The following MDGA1 variants were observed in gnomAD, a reference collection of about 807,000 sequenced individuals.
MDGA1 encodes MAM domain-containing glycosylphosphatidylinositol anchor protein 1.
Under a neutral mutation model 101.5 loss-of-function variants are expected in MDGA1, and 54 were observed. The ratio of observed to expected loss-of-function variants is 0.53; its 90% CI spans 0.43 to 0.67. The LOEUF (loss-of-function observed/expected upper bound fraction) is 0.67, where lower values mean the gene tolerates loss of function less well. MDGA1 is among the 30% of genes least tolerant of loss of function. The probability of loss-of-function intolerance (pLI) is 0.00; values close to 1 mark genes in which losing one functional copy is unlikely to be tolerated. For missense variants in MDGA1, 1,083 were observed against 1,323.8 expected (o/e 0.82, Z 2.82); for synonymous variants, 533 against 558.3 (o/e 0.95, Z 0.64).
Position 37,655,142 on chromosome 6 carries a change from G to A in MDGA1, c.580-210C>T, listed in dbSNP as rs1761456140. On this transcript the variant is annotated intron_variant, in intron 4 of 16. Transcript: ENST00000434837. This position sits in a 1 kb window ranked among gnomAD's most constrained non-coding sequence, Gnocchi z 5.1. ...TAGCCTTGGCAGTGCCTCATCATGGGATTCTCTGGGTCTGAGGTTGCCCTT... is the reference window on the plus strand; with the variant it reads ...TAGCCTTGGCAGTGCCTCATCATGGAATTCTCTGGGTCTGAGGTTGCCCTT... 2 of 614,306 alleles carry A rather than the reference G, an allele frequency of 3.3e-6. No homozygotes were observed. The highest frequency in any genetic ancestry group is 2.0e-5 in the South Asian group (1 of 49,346). 38.1% of individuals were successfully genotyped at this position (614,306 alleles called of 1,614,324 possible).
chr6:37,664,600 TACACACAC>T (rs61046567), intron 1 of MDGA1, among the ~76,000 whole-genome samples: 43 of 118,190 alleles, frequency 3.6e-4, no homozygotes, highest in East Asian at 8.2e-4. Context: ...TCCCCCACAA[TACACACAC>T]ACACACACAC....
At chr6:37,674,315 G>T (rs947258774) in intron 1 of MDGA1, among the ~76,000 whole-genome samples, 21 of 152,332 alleles carry the variant, frequency 1.4e-4, no homozygotes, top group African/African-American at 4.8e-4. Context: ...CAGTGTGCAG[G>T]CCGCCACCCC....
intron 1 of MDGA1, among the ~76,000 whole-genome samples, chr6:37,675,776 C>T (rs1761966080): frequency 6.6e-6 from 1 of 152,110 alleles, no homozygotes; most frequent in East Asian, 1.9e-4. Context: ...TGCCTGGATC[C>T]CAGAAAGGAA....
At chr6:37,694,512 G>A (rs1177962012) in intron 1 of MDGA1, among the ~76,000 whole-genome samples, 2 of 152,142 alleles carry the variant, frequency 1.3e-5, no homozygotes, top group Non-Finnish European at 2.9e-5. Context: ...TCTGCTTCGC[G>A]GGTACAGAAA....
chr6:37,694,049 C>G (rs749494342), intron 1 of MDGA1, among the ~76,000 whole-genome samples: 1 of 152,190 alleles, frequency 6.6e-6, no homozygotes, highest in Non-Finnish European at 1.5e-5. Context: ...CGCTCTCCAC[C>G]GCCTGCTCGT....
rs1426606313 is a variant in MDGA1 at position 37,643,938 on chromosome 6, A to G, written c.2407T>C (p.Tyr803His). 7 of 1,613,678 alleles carry G rather than the reference A, an allele frequency of 4.3e-6. No individual in the cohort carries two copies. The highest frequency in any genetic ancestry group is 5.9e-6 in the Non-Finnish European group (7 of 1,179,804). ...GGCCTCGATGTCTCGATGAACATGT[A>G]GTAGCCTGCGGGGAATGGGGAGATG... Reference protein sequence around the residue: ...TDISGTPEGYYMFIETSRPRE... With the variant: ...TDISGTPEGYHMFIETSRPRE... The change falls in exon 14 of 17, where the codon TAC (tyrosine) becomes CAC (histidine). Residue 803 changes from tyrosine (Y) to histidine (H), a missense_variant. Tyr to His is a moderately conservative substitution (Grantham distance 83, BLOSUM62 2). Around this residue, in one of 3 missense-constraint regions of MDGA1, gnomAD observed 657 missense variants for 771.4 expected, o/e 0.85. Transcript: ENST00000434837.
At chr6:37,685,890 C>T (rs1054266878) in intron 1 of MDGA1, among the ~76,000 whole-genome samples, 11 of 151,980 alleles carry the variant, frequency 7.2e-5, no homozygotes, top group African/African-American at 1.5e-4. Flanking sequence ...CAGAGTGGGG[C>T]GAGGTGAGGA....
At chr6:37,658,449 T>C (rs1761545659) in intron 2 of MDGA1, 30 bp from the exon 3 acceptor site, 1 of 1,581,226 alleles carries the variant, frequency 6.3e-7, no homozygotes. Context: ...AGAGTCAGAC[T>C]GTCAGACTCA....
At position 37,650,185 on chromosome 6, in the gene MDGA1, G is replaced by C. The variant is rs762047269; in HGVS notation, c.1533C>G (p.Thr511=). The C allele has an allele frequency of 6.2e-7, 1 of 1,612,896 alleles. No individual in the cohort carries two copies. Among genetic ancestry groups the C allele is most frequent in the South Asian group, 1.1e-5 (1 of 91,012 alleles). ...LERVSRDMSG[T]YRCQTARYNG... is the part of the protein sequence containing the mutation. The stretch of plus-strand genomic sequence containing the variant: ...TATAGCGGGCCGTCTGGCAGCGGTA[G>C]GTCCCGCTCATGTCTCGGCTCACTC... The change falls in exon 8 of 17, where the codon ACC becomes ACG. Residue 511 remains threonine, a synonymous_variant. Transcript: ENST00000434837.
At chr6:37,678,152 C>G (rs1762020942) in intron 1 of MDGA1, among the ~76,000 whole-genome samples, 2 of 152,100 alleles carry the variant, frequency 1.3e-5, no homozygotes, top group South Asian at 2.1e-4. Context: ...CCCAGTACCC[C>G]CAAGGGTTGG....
chr6:37,681,782 AGAG>A (rs1762101869), intron 1 of MDGA1, among the ~76,000 whole-genome samples: 1 of 152,174 alleles, frequency 6.6e-6, no homozygotes, highest in Non-Finnish European at 1.5e-5. Flanking sequence ...CTCCAACAGA[AGAG>A]GAGGAGGGGA....
Position 37,648,748 on chromosome 6 carries a change from G to C in MDGA1, c.1894+234C>G, listed in dbSNP as rs979754179. ...AGGGAAGGTGTGAGTGGAGGGGCGT[G>C]GCCCGCACCTGGAGGGCGGGGCTGG... is the stretch of plus-strand genomic sequence containing the variant. On this transcript the variant is annotated intron_variant, in intron 9 of 16. Transcript: ENST00000434837. 19 of 701,934 alleles carry C rather than the reference G, an allele frequency of 2.7e-5. No homozygotes were observed. The African/African-American group carries it at 3.2e-4, about 12-fold the overall frequency. The allele number at this position is 701,934 out of a possible 1,614,324, so 43.5% of individuals were successfully genotyped here. A position where few individuals can be genotyped will look rare whatever the true frequency, so the allele number is the denominator to read the frequency against.
At chr6:37,682,769 C>CG (rs989137593) in intron 1 of MDGA1, among the ~76,000 whole-genome samples, 5 of 152,102 alleles carry the variant, frequency 3.3e-5, no homozygotes, top group African/African-American at 1.2e-4. Flanking sequence ...TGGCACACTG[C>CG]GGGGGGTTCA....
Position 37,636,184 on chromosome 6 carries a change from A to C in MDGA1, c.*1184T>G, listed in dbSNP as rs1451562192. The C allele has an allele frequency of 6.5e-6, 1 of 154,148 alleles. No homozygotes were observed. Among genetic ancestry groups the C allele is most frequent in the East Asian group, 1.9e-4 (1 of 5,220 alleles). 9.5% of individuals were successfully genotyped at this position (154,148 alleles called of 1,614,324 possible). A position where few individuals can be genotyped will look rare whatever the true frequency, so the allele number is the denominator to read the frequency against. On this transcript the variant is annotated 3_prime_UTR_variant, in exon 17 of 17. Coordinates refer to ENST00000434837, the MANE Select transcript of MDGA1 (RefSeq NM_153487.4). ...CCCATCATGTCAATCTCAGGTGCCT[A>C]ACCCAGGACCCAAGGACAGGGATCC...
intron 1 of MDGA1, chr6:37,664,397 G>A (rs555853908): frequency 1.1e-4 from 34 of 320,140 alleles, no homozygotes; most frequent in East Asian, 5.7e-4. Flanking sequence ...CAGACTGGTC[G>A]TCACTCAGTT....
rs1037862385 is a variant in MDGA1 at position 37,680,717 on chromosome 6, G to T, written c.67+16028C>A. On this transcript the variant is annotated intron_variant, in intron 1 of 16. Coordinates refer to ENST00000434837, the MANE Select transcript of MDGA1 (RefSeq NM_153487.4). ...CACACTGCACCAGCGCTTTTCAAAGGTGCCAACTCCCCTCTGGGCCTCAGC... is the reference window on the plus strand; with the variant it reads ...CACACTGCACCAGCGCTTTTCAAAGTTGCCAACTCCCCTCTGGGCCTCAGC... 2.6e-5 allele frequency among the ~76,000 whole-genome samples: 4 copies of T among 152,316 alleles called. No homozygotes were observed. The South Asian group carries it at 6.2e-4, about 24-fold the overall frequency.
Position 37,638,953 on chromosome 6 carries a change from C to G in MDGA1, c.2537-286G>C, listed in dbSNP as rs73413349. On this transcript the variant is annotated intron_variant, in intron 14 of 16. Transcript: ENST00000434837. The surrounding 1 kb of genome is among the most constrained non-coding windows in gnomAD (Gnocchi z 4.8). Reference sequence around the variant, plus strand: ...GCTAATCTCCCCAACCCCAAACACACACATGCACACACACCCTACCCTTCC... The same window carrying G: ...GCTAATCTCCCCAACCCCAAACACAGACATGCACACACACCCTACCCTTCC... 4.2e-3 allele frequency: 1,534 copies of G among 365,038 alleles called. 22 individuals carry two copies. The highest frequency in any genetic ancestry group is 0.029 in the African/African-American group (1,404 of 48,218). 22.6% of individuals were successfully genotyped at this position (365,038 alleles called of 1,614,324 possible). A position where few individuals can be genotyped will look rare whatever the true frequency, so the allele number is the denominator to read the frequency against.
At chr6:37,640,203 G>C (rs1764033008) in intron 14 of MDGA1, among the ~76,000 whole-genome samples, 1 of 152,160 alleles carries the variant, frequency 6.6e-6, no homozygotes, top group African/African-American at 2.4e-5. Flanking sequence ...TTTGGCCAGG[G>C]GAATGTGGTA....
In MDGA1 at chr6:37,638,424, CCTGA is replaced by C. The variant is rs1763984919; in HGVS notation, c.2667+109_2667+112del. ...TAATCTACCTGGAAGTTCCCCCTAACCTGACTCTTTCCATCCTTAGCCCCCAGGA... is the reference window on the plus strand; with the variant it reads ...TAATCTACCTGGAAGTTCCCCCTAACCTCTTTCCATCCTTAGCCCCCAGGA... On this transcript the variant is annotated intron_variant, in intron 15 of 16. Transcript: ENST00000434837. The surrounding 1 kb of genome is among the most constrained non-coding windows in gnomAD (Gnocchi z 4.8). 2.6e-6 allele frequency: 4 copies of C among 1,551,304 alleles called. No individual in the cohort carries two copies. The highest frequency in any genetic ancestry group is 3.5e-6 in the Non-Finnish European group (4 of 1,138,994).
Sources: gnomAD v4.1 joint callset for allele counts (sites outside exome capture counted in the v4.1 genomes callset) on GRCh38, gnomAD v4.1.1 for gene constraint, gnomAD v4.1.1 regional missense constraint, Gnocchi (gnomAD v3.1) non-coding constraint, MANE v1.5 for transcripts, NCBI Gene and HGNC (gene_info 2026-07-23, HGNC 2026-07-21) for gene names.